Variants in CSMD1 observed in about 807,000 individuals in gnomAD.
The protein encoded by CSMD1 is CUB and sushi domain-containing protein 1.
In CSMD1, 213 loss-of-function variants were observed where a neutral mutation model predicts 417.5. The observed-to-expected ratio is 0.51, with a 90% confidence interval of 0.46 to 0.57. The LOEUF (loss-of-function observed/expected upper bound fraction) is 0.57. Among genes scored for constraint, CSMD1 ranks in the 20% least tolerant of loss-of-function variants. CSMD1 has a pLI of 0.00. For missense variants in CSMD1, 6,923 were observed against 4,529.7 expected (o/e 1.53, Z -15.17); for synonymous variants, 2,862 against 1,736.8 (o/e 1.65, Z -16.11).
At chr8:4,163,090 A>G (rs1008924934) in intron 3 of CSMD1, among the ~76,000 whole-genome samples, 1 of 152,198 alleles carries the variant, frequency 6.6e-6, no homozygotes, top group Non-Finnish European at 1.5e-5. Flanking sequence ...AGCAATGAAT[A>G]ATATTCCATT....
chr8:4,870,532 A>G (rs1802677591), intron 1 of CSMD1, among the ~76,000 whole-genome samples: 1 of 152,106 alleles, frequency 6.6e-6, no homozygotes, highest in African/African-American at 2.4e-5. Flanking sequence ...AGGAGTCTGC[A>G]TACATTCCTC....
intron 1 of CSMD1, among the ~76,000 whole-genome samples, chr8:4,768,909 T>G (rs967243289): frequency 1.3e-5 from 2 of 152,196 alleles, no homozygotes; most frequent in African/African-American, 2.4e-5. Flanking sequence ...TCCAGCAATC[T>G]TGATAGACGT....
intron 2 of CSMD1, among the ~76,000 whole-genome samples, chr8:4,515,332 G>C (rs938426650): frequency 6.6e-6 from 1 of 152,146 alleles, no homozygotes; most frequent in Non-Finnish European, 1.5e-5. Context: ...ATAAACAATA[G>C]TTATGGCCTC....
At chr8:3,378,409 T>C (rs930072856) in intron 18 of CSMD1, among the ~76,000 whole-genome samples, 1 of 152,102 alleles carries the variant, frequency 6.6e-6, no homozygotes, top group African/African-American at 2.4e-5. Flanking sequence ...GAGGGCAGCA[T>C]CATCCTGATA....
chr8:4,927,391 C>G (rs960819867), intron 1 of CSMD1, among the ~76,000 whole-genome samples: 3 of 151,998 alleles, frequency 2.0e-5, no homozygotes, highest in Admixed American at 2.0e-4. Context: ...TAGTATAAAT[C>G]CCTGCCAAAC....
intron 2 of CSMD1, among the ~76,000 whole-genome samples, chr8:4,422,568 C>A (rs1039458040): frequency 6.6e-6 from 1 of 151,964 alleles, no homozygotes; most frequent in Non-Finnish European, 1.5e-5. Context: ...GGAAGAGAGC[C>A]CTCACCAGGA....
chr8:4,633,665 T>A (rs557016890), intron 2 of CSMD1, among the ~76,000 whole-genome samples: 1 of 152,272 alleles, frequency 6.6e-6, no homozygotes, highest in African/African-American at 2.4e-5. Flanking sequence ...CAAGTGATTC[T>A]CCTGCCTCAG....
intron 6 of CSMD1, among the ~76,000 whole-genome samples, chr8:3,744,913 G>A (rs17067322): frequency 2.0e-5 from 3 of 151,990 alleles, no homozygotes; most frequent in South Asian, 2.1e-4. Flanking sequence ...TAGTTGAGTG[G>A]GCCTGAAGCA....
At chr8:3,575,155 A>T in intron 9 of CSMD1, 89 bp from the exon 10 acceptor site, 8 of 1,257,554 alleles carry the variant, frequency 6.4e-6, no homozygotes, top group Non-Finnish European at 6.4e-6. Flanking sequence ...CAAGTTAGCT[A>T]TTATCTAATC....
At chr8:4,299,830 C>T (rs529900886) in intron 3 of CSMD1, among the ~76,000 whole-genome samples, 1 of 152,208 alleles carries the variant, frequency 6.6e-6, no homozygotes, top group East Asian at 1.9e-4. Flanking sequence ...GGGTTTTCAC[C>T]TTCTTGGCCA....
chr8:4,775,382 G>A (rs961983222), intron 1 of CSMD1, among the ~76,000 whole-genome samples: 4 of 152,132 alleles, frequency 2.6e-5, no homozygotes, highest in African/African-American at 9.7e-5. Flanking sequence ...TTCAAAGATA[G>A]TGTTTAGAGT....
chr8:4,670,015 C>T (rs1312075323), intron 1 of CSMD1, among the ~76,000 whole-genome samples: 2 of 152,106 alleles, frequency 1.3e-5, no homozygotes, highest in Non-Finnish European at 2.9e-5. Context: ...TGCTCCAGAA[C>T]AAATGAACTC....
intron 5 of CSMD1, among the ~76,000 whole-genome samples, chr8:3,986,759 A>ATTTCT (rs140008328): frequency 0.26 from 38,837 of 151,330 alleles, 5,030 homozygotes; most frequent in East Asian, 0.38. Flanking sequence ...TGTTTAAGTG[A>ATTTCT]TTTTTCTTTT....
intron 11 of CSMD1, among the ~76,000 whole-genome samples, chr8:3,478,234 A>C (rs75037073): frequency 0.019 from 2,858 of 152,360 alleles, 107 homozygotes; most frequent in African/African-American, 0.064. Context: ...ACTAAACATT[A>C]TCTGAATTAT....
At chr8:4,430,119 G>T (rs1335380497) in intron 2 of CSMD1, among the ~76,000 whole-genome samples, 3 of 152,140 alleles carry the variant, frequency 2.0e-5, no homozygotes, top group Non-Finnish European at 4.4e-5. Flanking sequence ...TATAAATAAA[G>T]CTAAATGTGC....
intron 2 of CSMD1, among the ~76,000 whole-genome samples, chr8:4,539,973 G>A (rs1585223564): frequency 6.6e-6 from 1 of 152,144 alleles, no homozygotes; most frequent in African/African-American, 2.4e-5. Context: ...GGTGCTGCCT[G>A]CAGATGCCCA....
chr8:3,183,624 G>A (rs574485208), intron 36 of CSMD1, among the ~76,000 whole-genome samples: 17 of 142,826 alleles, frequency 1.2e-4, no homozygotes, highest in Middle Eastern at 9.3e-3. Flanking sequence ...GTTTCTTAAC[G>A]ATACCATCGG....
intron 2 of CSMD1, among the ~76,000 whole-genome samples, chr8:4,530,544 C>T (rs889405537): frequency 1.3e-5 from 2 of 150,398 alleles, no homozygotes; most frequent in Non-Finnish European, 3.0e-5. Flanking sequence ...CCTCCCCGTG[C>T]CCATATGTTC....
chr8:3,734,775 C>G (rs1191412819), intron 6 of CSMD1, among the ~76,000 whole-genome samples: 1 of 152,176 alleles, frequency 6.6e-6, no homozygotes, highest in East Asian at 1.9e-4. Context: ...GTAATCAGAT[C>G]TCTCTGCTCT....
Sources: allele counts gnomAD v4.1 joint callset (sites outside exome capture counted in the v4.1 genomes callset), GRCh38; gene constraint gnomAD v4.1.1; transcripts MANE v1.5; gene names NCBI Gene and HGNC (gene_info 2026-07-23, HGNC 2026-07-21).